UACA: variants seen among roughly 807,000 people sequenced by gnomAD.
UACA encodes the protein uveal autoantigen with coiled-coil domains and ankyrin repeats, also known as nuclear membrane binding protein.
Under a neutral mutation model 160.5 loss-of-function variants are expected in UACA, and 112 were observed. That is an observed-to-expected ratio of 0.70 (90% confidence interval 0.60 to 0.82). The LOEUF is 0.82. UACA is among the 40% of genes least tolerant of loss of function. UACA has a pLI of 0.00. For synonymous variants in UACA, 557 were observed against 568.4 expected, an observed-to-expected ratio of 0.98 and a Z score of 0.29; for missense variants, 1,574 against 1,614.6, an observed-to-expected ratio of 0.97 and a Z score of 0.43.
At chr15:70,713,723 T>G (rs1004810411) in intron 1 of UACA, among the ~76,000 whole-genome samples, 1 of 152,198 alleles carries the variant, frequency 6.6e-6, no homozygotes, top group African/African-American at 2.4e-5. Context: ...CATACTATTT[T>G]TTTTCACTTC....
intron 3 of UACA, among the ~76,000 whole-genome samples, chr15:70,694,047 G>A (rs1356678503): frequency 6.6e-6 from 1 of 152,046 alleles, no homozygotes; most frequent in African/African-American, 2.4e-5. Context: ...TAAAAGTAAT[G>A]TATTTATTTG....
intron 1 of UACA, among the ~76,000 whole-genome samples, chr15:70,749,641 G>A (rs1310097675): frequency 7.1e-6 from 1 of 141,638 alleles, no homozygotes; most frequent in East Asian, 2.1e-4. Context: ...GGAGCTTGCA[G>A]TGAGCAGAGA....
At chr15:70,713,653 A>G (rs1380480627) in intron 1 of UACA, among the ~76,000 whole-genome samples, 1 of 152,184 alleles carries the variant, frequency 6.6e-6, no homozygotes, top group Non-Finnish European at 1.5e-5. Flanking sequence ...AGGCAACTGT[A>G]GTTTCATGAA....
chr15:70,776,913 G>A, the UACA span, among the ~76,000 whole-genome samples: 1 of 152,190 alleles, frequency 6.6e-6, no homozygotes, highest in East Asian at 1.9e-4. Flanking sequence ...GTGAGAAAGG[G>A]TAAGAGAGGG....
intron 1 of UACA, among the ~76,000 whole-genome samples, chr15:70,742,952 G>C (rs1023354211): frequency 6.6e-6 from 1 of 152,086 alleles, no homozygotes; most frequent in Non-Finnish European, 1.5e-5. Context: ...TCTCTGCTTG[G>C]GGTCTGATCT....
At chr15:70,763,677 A>G, upstream of UACA, 1 of 446,678 alleles carries the variant, frequency 2.2e-6, no homozygotes. Context: ...TAAACTGAGT[A>G]ACACCCTTCC....
the UACA span, among the ~76,000 whole-genome samples, chr15:70,778,540 A>G: frequency 6.6e-6 from 1 of 152,328 alleles, no homozygotes; most frequent in East Asian, 1.9e-4. Context: ...GAACTCAGCT[A>G]GGAAAGATTT....
rs139824373 is a variant in UACA, at chr15:70,657,076, G to A, written c.4231C>T (p.Arg1411Trp). The change falls in exon 19 of 19, where the codon CGG becomes TGG. Residue 1411 changes from arginine (R) to tryptophan (W), a missense_variant. Arg to Trp is a moderately radical substitution (Grantham distance 101, BLOSUM62 -3). Coordinates refer to ENST00000322954, the MANE Select transcript of UACA (RefSeq NM_018003.4). Reference protein sequence around the residue: ...QEALLQIIQMRQGLVC With the variant: ...QEALLQIIQMWQGLVC Reference sequence around the variant, plus strand: ...AACGGCTAGCACACAAGCCCCTGCCGCATTTGTATGATCTGGAGCAGAGCC... The same window carrying A: ...AACGGCTAGCACACAAGCCCCTGCCACATTTGTATGATCTGGAGCAGAGCC... 8.5e-5 allele frequency: 137 copies of A among 1,613,942 alleles called. 1 individual carries two copies. Among genetic ancestry groups the A allele is most frequent in the East Asian group, 2.5e-4 (11 of 44,894 alleles).
intron 1 of UACA, among the ~76,000 whole-genome samples, chr15:70,723,421 C>T (rs971958950): frequency 2.2e-4 from 33 of 152,268 alleles, no homozygotes; most frequent in African/African-American, 6.7e-4. Flanking sequence ...AGACCAAAGT[C>T]CTTAATGACG....
In UACA at chr15:70,763,446, C is replaced by A; in HGVS notation, c.-39G>T. 2 of 1,284,162 alleles carry A rather than the reference C, an allele frequency of 1.6e-6. No individual in the cohort carries two copies. Among genetic ancestry groups the A allele is most frequent in the Non-Finnish European group, 2.0e-6 (2 of 1,006,542 alleles). 79.5% of individuals were successfully genotyped at this position (1,284,162 alleles called of 1,614,324 possible). ...CTGGCCCCCGCGCGAACCTTAAAGG[C>A]TGCGGAGTGCCAGCGCGCAAGGAGT... On this transcript the variant is annotated 5_prime_UTR_variant, in exon 1 of 19. Transcript: ENST00000322954.
intron 1 of UACA, among the ~76,000 whole-genome samples, chr15:70,727,016 G>T (rs958884268): frequency 2.0e-5 from 3 of 152,116 alleles, no homozygotes; most frequent in Non-Finnish European, 2.9e-5. Flanking sequence ...CTCACTATCA[G>T]CTGGAAACAT....
intron 1 of UACA, among the ~76,000 whole-genome samples, chr15:70,747,654 G>T (rs978941134): frequency 6.6e-6 from 1 of 152,116 alleles, no homozygotes; most frequent in Non-Finnish European, 1.5e-5. Context: ...TCTTATAAGA[G>T]AAATAATTGA....
At position 70,668,885 on chromosome 15, in the gene UACA, A is replaced by G; in HGVS notation, c.1799T>C (p.Met600Thr). The G allele has an allele frequency of 1.2e-6, 2 of 1,613,462 alleles. No individual in the cohort carries two copies. Among genetic ancestry groups the G allele is most frequent in the East Asian group, 4.5e-5 (2 of 44,872 alleles). Residue 600 changes from methionine (M) to threonine (T), a missense_variant, in exon 16 of 19, where the codon ATG becomes ACG. Physicochemically the swap from Met to Thr is moderately conservative, Grantham distance 81. Transcript: ENST00000322954. ...CTTTCTTCCTTTCTTCTCTCGCTCCATTTCACACATACTAAGTTCCTTCTG... is the reference window on the plus strand; with the variant it reads ...CTTTCTTCCTTTCTTCTCTCGCTCCGTTTCACACATACTAAGTTCCTTCTG... ...RLQKELSMCE[M>T]EREKKGRKVT...
At chr15:70,681,775 C>T (rs980389251) in intron 9 of UACA, 1 of 152,142 alleles carries the variant, frequency 6.6e-6, no homozygotes, top group Admixed American at 6.5e-5. Flanking sequence ...AAAAGGAAAA[C>T]AAGCTTTAAT....
At chr15:70,758,225 G>C (rs2030543505) in intron 1 of UACA, 2 of 152,130 alleles carry the variant, frequency 1.3e-5, no homozygotes, top group Non-Finnish European at 2.9e-5. Flanking sequence ...TCAACATAAT[G>C]TTCTGAATAA....
chr15:70,664,617 A>T lies in UACA; in HGVS notation c.4113+45T>A, dbSNP rs750711916. On this transcript the variant is annotated intron_variant, in intron 17 of 18. Transcript: ENST00000322954. ...TGAGCCTTACAAACTAACTACAGGG[A>T]GCCAGCACATATTCCTGCAAAGCCC... The T allele has an allele frequency of 1.9e-6, 3 of 1,576,992 alleles. No homozygotes were observed. The Admixed American group carries it at 5.6e-5, about 29-fold the overall frequency.
intron 1 of UACA, among the ~76,000 whole-genome samples, chr15:70,762,261 C>T (rs531633816): frequency 1.3e-5 from 2 of 151,722 alleles, no homozygotes; most frequent in Non-Finnish European, 2.9e-5. Context: ...ACTGAATTAA[C>T]TCAAAAAAGC....
intron 1 of UACA, among the ~76,000 whole-genome samples, chr15:70,711,827 G>A (rs1898689873): frequency 6.6e-6 from 1 of 151,984 alleles, no homozygotes; most frequent in East Asian, 1.9e-4. Flanking sequence ...TCAAAAGAGG[G>A]AAAGTCAGAA....
At chr15:70,715,407 A>G (rs372807488) in intron 1 of UACA, among the ~76,000 whole-genome samples, 14 of 152,208 alleles carry the variant, frequency 9.2e-5, no homozygotes, top group East Asian at 5.8e-4. Flanking sequence ...AACAAAAGAT[A>G]TTTTTGTACC....
Sources: allele counts gnomAD v4.1 joint callset (sites outside exome capture counted in the v4.1 genomes callset), GRCh38; gene constraint gnomAD v4.1.1; transcripts MANE v1.5; gene names NCBI Gene and HGNC (gene_info 2026-07-23, HGNC 2026-07-21).